The following VKORC1L1 variants were observed in gnomAD, a reference collection of about 807,000 sequenced individuals.
VKORC1L1 encodes vitamin K epoxide reductase complex subunit 1-like protein 1.
A neutral mutation model predicts 18.9 loss-of-function variants in VKORC1L1; 2 were observed. The observed-to-expected ratio is 0.11, with a 90% CI of 0.04 to 0.33. VKORC1L1 has a LOEUF of 0.33. VKORC1L1 is among the 10% of genes least tolerant of loss of function. The pLI is 1.00. For missense variants in VKORC1L1, 123 were observed against 224.1 expected, an observed-to-expected ratio of 0.55 and a Z score of 2.88; for synonymous variants, 96 against 100.0, an observed-to-expected ratio of 0.96 and a Z score of 0.24.
chr7:65,950,229 G>C (rs1323441795), intron 2 of VKORC1L1, among the ~76,000 whole-genome samples: 9 of 151,992 alleles, frequency 5.9e-5, no homozygotes, highest in Non-Finnish European at 1.0e-4. Context: ...CCCGATACTA[G>C]TACATTTTTA....
intron 1 of VKORC1L1, among the ~76,000 whole-genome samples, chr7:65,904,469 T>C (rs868303741): frequency 6.6e-6 from 1 of 152,168 alleles, no homozygotes; most frequent in South Asian, 2.1e-4. Flanking sequence ...CCTCCCAAAG[T>C]GCTGGGATTA....
At chr7:65,901,014 A>C (rs143154616) in intron 1 of VKORC1L1, among the ~76,000 whole-genome samples, 1 of 152,176 alleles carries the variant, frequency 6.6e-6, no homozygotes, top group East Asian at 1.9e-4. Flanking sequence ...GAAGAAAATG[A>C]GGCAAGAATA....
intron 1 of VKORC1L1, among the ~76,000 whole-genome samples, chr7:65,906,439 G>A (rs1789407920): frequency 6.6e-6 from 1 of 152,038 alleles, no homozygotes; most frequent in Non-Finnish European, 1.5e-5. Flanking sequence ...AGTTTTATTT[G>A]CAAAGATTAC....
At chr7:65,948,835 G>C (rs1472765394) in intron 2 of VKORC1L1, 55 bp downstream of exon 2, 1 of 1,303,638 alleles carries the variant, frequency 7.7e-7, no homozygotes, top group Admixed American at 2.3e-5. Context: ...AGTACTTTGT[G>C]TCTTTGCCCT....
At chr7:65,939,378 C>T (rs1377744881) in intron 1 of VKORC1L1, among the ~76,000 whole-genome samples, 1 of 152,072 alleles carries the variant, frequency 6.6e-6, no homozygotes, top group African/African-American at 2.4e-5. Context: ...CAAGTTTGGT[C>T]ATGGTGGCTT....
chr7:65,928,299 C>G (rs537375447), intron 1 of VKORC1L1, among the ~76,000 whole-genome samples: 1 of 148,352 alleles, frequency 6.7e-6, no homozygotes, highest in Admixed American at 6.7e-5. Context: ...CTGTGATACC[C>G]AGGCTGGTCT....
At chr7:65,919,114 A>C (rs1789634228) in intron 1 of VKORC1L1, among the ~76,000 whole-genome samples, 1 of 152,152 alleles carries the variant, frequency 6.6e-6, no homozygotes, top group African/African-American at 2.4e-5. Flanking sequence ...AAAATAAATA[A>C]TAAACTAAAA....
intron 1 of VKORC1L1, among the ~76,000 whole-genome samples, chr7:65,941,432 T>C (rs1341626012): frequency 2.6e-5 from 4 of 152,112 alleles, no homozygotes; most frequent in Non-Finnish European, 5.9e-5. Flanking sequence ...TATTTCTAGA[T>C]GTGGGTGTGG....
rs535525820 is a variant in VKORC1L1 at position 65,916,185 on chromosome 7, A to G, written c.195-32486A>G. ...TTGATTACCCAGTGATACAGTTTGT[A>G]TAGAGAAGGCAGGTTATGTGCCTGG... On this transcript the variant is annotated intron_variant, in intron 1 of 2. Coordinates refer to ENST00000360768, the MANE Select transcript of VKORC1L1 (RefSeq NM_173517.6). 7.3e-5 allele frequency among the ~76,000 whole-genome samples: 11 copies of G among 150,656 alleles called. No individual in the cohort carries two copies. In the South Asian group the frequency reaches 1.5e-3, roughly 20 times the overall value.
chr7:65,930,154 T>A (rs554316324), intron 1 of VKORC1L1, among the ~76,000 whole-genome samples: 1 of 152,306 alleles, frequency 6.6e-6, no homozygotes, highest in African/African-American at 2.4e-5. Flanking sequence ...AACTTCTTAA[T>A]TCTAGAAGCT....
At chr7:65,911,161 A>G (rs1789496032) in intron 1 of VKORC1L1, among the ~76,000 whole-genome samples, 1 of 152,130 alleles carries the variant, frequency 6.6e-6, no homozygotes, top group Non-Finnish European at 1.5e-5. Flanking sequence ...CCTGTGGTTT[A>G]CTATATTCAG....
At chr7:65,910,657 T>G (rs1160532317) in intron 1 of VKORC1L1, among the ~76,000 whole-genome samples, 1 of 152,156 alleles carries the variant, frequency 6.6e-6, no homozygotes, top group East Asian at 1.9e-4. Flanking sequence ...CAAGGTACAA[T>G]GAAAAGCACT....
chr7:65,952,946 C>G (rs140666661), intron 2 of VKORC1L1, among the ~76,000 whole-genome samples: 35 of 151,894 alleles, frequency 2.3e-4, no homozygotes, highest in African/African-American at 8.2e-4. Flanking sequence ...ATACCATGCC[C>G]AGCTAATTTT....
chr7:65,899,925 A>C (rs573446933), intron 1 of VKORC1L1, among the ~76,000 whole-genome samples: 1 of 149,486 alleles, frequency 6.7e-6, no homozygotes, highest in South Asian at 2.1e-4. Flanking sequence ...GCTTGAACTC[A>C]GGCGGCAGAG....
chr7:65,872,328 T>TA, upstream of VKORC1L1, among the ~76,000 whole-genome samples: 1 of 152,138 alleles, frequency 6.6e-6, no homozygotes. Context: ...TCTCTCTTTT[T>TA]TTTTTTGAGA....
At chr7:65,927,796 C>A (rs1178223103) in intron 1 of VKORC1L1, among the ~76,000 whole-genome samples, 1 of 152,202 alleles carries the variant, frequency 6.6e-6, no homozygotes, top group Non-Finnish European at 1.5e-5. Flanking sequence ...AAACATTTGT[C>A]TTTTGGCCCT....
chr7:65,953,270 T>C (rs1332624484), intron 2 of VKORC1L1, among the ~76,000 whole-genome samples: 2 of 152,252 alleles, frequency 1.3e-5, no homozygotes, highest in Non-Finnish European at 2.9e-5. Context: ...CAGCAGCTTG[T>C]TGGTGTAGTC....
At chr7:65,910,494 C>G (rs767935803) in intron 1 of VKORC1L1, among the ~76,000 whole-genome samples, 43 of 152,156 alleles carry the variant, frequency 2.8e-4, no homozygotes, top group Non-Finnish European at 4.4e-5. Context: ...ATACAAAATT[C>G]CAGACCAGTT....
intron 1 of VKORC1L1, among the ~76,000 whole-genome samples, chr7:65,941,445 A>G (rs894100521): frequency 2.0e-5 from 3 of 152,088 alleles, no homozygotes; most frequent in Non-Finnish European, 4.4e-5. Flanking sequence ...GGGTGTGGCT[A>G]TAAGGGTATG....
Sources: gnomAD v4.1 joint callset for allele counts (sites outside exome capture counted in the v4.1 genomes callset) on GRCh38, gnomAD v4.1.1 for gene constraint, MANE v1.5 for transcripts, NCBI Gene and HGNC (gene_info 2026-07-23, HGNC 2026-07-21) for gene names.